Variants in USP13 observed in about 807,000 individuals in gnomAD.
The protein encoded by USP13 is ubiquitin carboxyl-terminal hydrolase 13.
USP13 carries 68 observed loss-of-function variants against 107.8 expected under a neutral mutation model. The observed-to-expected ratio is 0.63, with a 90% CI of 0.52 to 0.77. USP13 has a LOEUF of 0.77. Among genes scored for constraint, USP13 ranks in the 30% least tolerant of loss-of-function variants. The pLI, the probability that USP13 is intolerant of heterozygous loss-of-function variation, is 0.00. For synonymous variants in USP13, 377 were observed against 389.5 expected (o/e 0.97, Z 0.38); for missense variants, 945 against 1,093.3 (o/e 0.86, Z 1.91).
At chr3:179,661,974 C>T (rs932388248) in intron 1 of USP13, among the ~76,000 whole-genome samples, 1 of 152,176 alleles carries the variant, frequency 6.6e-6, no homozygotes, top group Admixed American at 6.6e-5. Context: ...GTCATCTGTG[C>T]AGTTTCTTGT....
intron 2 of USP13, among the ~76,000 whole-genome samples, chr3:179,684,388 G>A (rs955038207): frequency 4.0e-5 from 6 of 151,874 alleles, no homozygotes; most frequent in Admixed American, 3.3e-4. Context: ...ACGGCTCATT[G>A]TAGCCTCAAC....
Position 179,788,383 on chromosome 3 carries a change from G to A in USP13, c.*4242G>A, listed in dbSNP as rs1337793094. 6.6e-6 allele frequency: 1 copy of A among 152,206 alleles called. No individual in the cohort carries two copies. The highest frequency in any genetic ancestry group is 2.4e-5 in the African/African-American group (1 of 41,454). 9.4% of individuals were successfully genotyped at this position (152,206 alleles called of 1,614,324 possible). A position where few individuals can be genotyped will look rare whatever the true frequency, so the allele number is the denominator to read the frequency against. ...TTCCACTCCATAAATCACTCTAAAA[G>A]AGTTTGCATAAGACTCGGTAGACCT... On this transcript the variant is annotated 3_prime_UTR_variant, in exon 21 of 21. Coordinates refer to ENST00000263966, the MANE Select transcript of USP13 (RefSeq NM_003940.3).
Position 179,721,017 on chromosome 3 carries a change from C to T in USP13, c.901-385C>T, listed in dbSNP as rs964620943. On this transcript the variant is annotated intron_variant, in intron 7 of 20. Coordinates refer to ENST00000263966, the MANE Select transcript of USP13 (RefSeq NM_003940.3). The surrounding 1 kb of genome is among the most constrained non-coding windows in gnomAD (Gnocchi z 4.3). Reference sequence around the variant, plus strand: ...AGAGACGGGGTTTTGCTATGTTGCTCAGGTGGGTCTCGAACTCCTGACTTC... The same window carrying T: ...AGAGACGGGGTTTTGCTATGTTGCTTAGGTGGGTCTCGAACTCCTGACTTC... Among the ~76,000 whole-genome samples the T allele has an allele frequency of 2.6e-5, 4 of 152,122 alleles. No individual in the cohort carries two copies. The highest frequency in any genetic ancestry group is 9.7e-5 in the African/African-American group (4 of 41,418).
At chr3:179,689,710 TAGC>T (rs1423601132) in intron 2 of USP13, among the ~76,000 whole-genome samples, 2 of 151,798 alleles carry the variant, frequency 1.3e-5, no homozygotes, top group Non-Finnish European at 2.9e-5. Flanking sequence ...ATGGCAAACA[TAGC>T]CACTTGTCGG....
At chr3:179,706,795 A>C (rs1204035405) in intron 4 of USP13, 139 bp from the exon 5 acceptor site, 11 of 999,986 alleles carry the variant, frequency 1.1e-5, no homozygotes, top group Non-Finnish European at 1.6e-5. Context: ...GCAGGAAAAC[A>C]GGATCCCTCT....
In USP13 at chr3:179,730,274, T is replaced by A. The variant is rs746180294; in HGVS notation, c.1160+14T>A. On this transcript the variant is annotated intron_variant, in intron 9 of 20. Transcript: ENST00000263966. Reference sequence around the variant, plus strand: ...CAACACACAGATGTAAGTGCCAGATTTGTATTTTTTTTTTTCTAGAAAAAG... The same window carrying A: ...CAACACACAGATGTAAGTGCCAGATATGTATTTTTTTTTTTCTAGAAAAAG... The A allele has an allele frequency of 4.4e-5, 65 of 1,474,136 alleles. No homozygotes were observed. The highest frequency in any genetic ancestry group is 5.0e-5 in the Non-Finnish European group (56 of 1,120,292). The allele number at this position is 1,474,136 out of a possible 1,614,324, so 91.3% of individuals were successfully genotyped here.
chr3:179,744,996 A>G (rs533995254), intron 12 of USP13, 47 bp from the exon 13 acceptor site: 2 of 1,602,668 alleles, frequency 1.2e-6, no homozygotes, highest in South Asian at 1.1e-5. Context: ...TTTCATTTCC[A>G]CAGGGTAAGA....
At chr3:179,676,296 A>T (rs1013586693) in intron 1 of USP13, among the ~76,000 whole-genome samples, 1 of 152,158 alleles carries the variant, frequency 6.6e-6, no homozygotes, top group African/African-American at 2.4e-5. Flanking sequence ...GGACTCATAC[A>T]CTGTCCTTTG....
intron 1 of USP13, among the ~76,000 whole-genome samples, chr3:179,666,869 G>C (rs1450650335): frequency 1.3e-5 from 2 of 152,156 alleles, no homozygotes; most frequent in Non-Finnish European, 2.9e-5. Context: ...AGCCCGCAGG[G>C]GGCTAGACTG....
In USP13 at chr3:179,758,657, A is replaced by C. The variant is rs779438671; in HGVS notation, c.1948+1579A>C. On this transcript the variant is annotated intron_variant, in intron 16 of 20. Coordinates refer to ENST00000263966, the MANE Select transcript of USP13 (RefSeq NM_003940.3). ...GGGACTACAGGCGCCTGCCACCACA[A>C]CCGGCTCATTTTTTGTATTTTTAGT... 2.3e-3 allele frequency among the ~76,000 whole-genome samples: 347 copies of C among 149,918 alleles called. 1 individual carries two copies. The highest frequency in any genetic ancestry group is 3.6e-3 in the Non-Finnish European group (245 of 67,352).
intron 13 of USP13, among the ~76,000 whole-genome samples, chr3:179,748,300 A>G (rs2108520480): frequency 6.6e-6 from 1 of 152,368 alleles, no homozygotes; most frequent in South Asian, 2.1e-4. Context: ...ACATTTTTGT[A>G]GAGCCTTGCT....
chr3:179,759,512 T>C (rs1714930022), intron 16 of USP13, among the ~76,000 whole-genome samples: 1 of 152,226 alleles, frequency 6.6e-6, no homozygotes, highest in Non-Finnish European at 1.5e-5. Context: ...AAAACTTATC[T>C]GATCACAGAA....
intron 19 of USP13, among the ~76,000 whole-genome samples, chr3:179,781,495 C>T (rs1715745716): frequency 6.6e-6 from 1 of 151,918 alleles, no homozygotes; most frequent in African/African-American, 2.4e-5. Context: ...TCCCTTTCCA[C>T]ATTTGAATTT....
At position 179,716,582 on chromosome 3, in the gene USP13, T is replaced by C. The variant is rs538491914; in HGVS notation, c.806-3358T>C. Among the ~76,000 whole-genome samples the C allele has an allele frequency of 2.5e-3, 387 of 152,328 alleles. 4 individuals are homozygous for C. The highest frequency in any genetic ancestry group is 8.9e-3 in the African/African-American group (369 of 41,566). On this transcript the variant is annotated intron_variant, in intron 6 of 20. Transcript: ENST00000263966. ...CAAGGATGACCCGCGCCAGGCATGC[T>C]AGACTTAACAGCATAGTCCTAATAG...
chr3:179,776,374 A>G (rs190294236), intron 19 of USP13, among the ~76,000 whole-genome samples: 1 of 152,182 alleles, frequency 6.6e-6, no homozygotes, highest in African/African-American at 2.4e-5. Context: ...TTGAAAGGGT[A>G]TGCTGCCCAC....
intron 19 of USP13, among the ~76,000 whole-genome samples, chr3:179,778,385 A>AT (rs1433275490): frequency 1.3e-5 from 2 of 152,244 alleles, no homozygotes; most frequent in Non-Finnish European, 2.9e-5. Flanking sequence ...AATACTCAGT[A>AT]AACAAAACAA....
chr3:179,680,632 TC>T (rs1173509623), intron 1 of USP13, among the ~76,000 whole-genome samples: 1 of 152,028 alleles, frequency 6.6e-6, no homozygotes, highest in African/African-American at 2.4e-5. Context: ...AACCTCCACC[TC>T]CCAGGTTCAA....
At chr3:179,727,961 G>C (rs1176476678) in intron 8 of USP13, among the ~76,000 whole-genome samples, 1 of 62,932 alleles carries the variant, frequency 1.6e-5, no homozygotes, top group Admixed American at 1.9e-4. Context: ...GAGGCGGCTG[G>C]CTGGGCGGGG....
chr3:179,702,022 G>GT lies in USP13; in HGVS notation c.477+901dup, dbSNP rs548009850. On this transcript the variant is annotated intron_variant, in intron 4 of 20. Coordinates refer to ENST00000263966, the MANE Select transcript of USP13 (RefSeq NM_003940.3). Reference sequence around the variant, plus strand: ...TTTGGTCTCCCATTTCTTTTTCTTTGTTTTTTTTCTTTTTTGAGACGGAGT... The same window carrying GT: ...TTTGGTCTCCCATTTCTTTTTCTTTGTTTTTTTTTCTTTTTTGAGACGGAGT... 1.6e-3 allele frequency among the ~76,000 whole-genome samples: 237 copies of GT among 150,690 alleles called. 1 individual carries two copies. Among genetic ancestry groups the GT allele is most frequent in the East Asian group, 8.8e-3 (45 of 5,096 alleles).
Sources: allele counts gnomAD v4.1 joint callset (sites outside exome capture counted in the v4.1 genomes callset), GRCh38; gene constraint gnomAD v4.1.1; non-coding constraint Gnocchi (gnomAD v3.1); transcripts MANE v1.5; gene names NCBI Gene and HGNC (gene_info 2026-07-23, HGNC 2026-07-21).